The following CDH13 variants were observed in gnomAD, a reference collection of about 807,000 sequenced individuals.
CDH13 encodes the protein cadherin-13.
A neutral mutation model predicts 63.8 loss-of-function variants in CDH13; 24 were observed. The ratio of observed to expected loss-of-function variants is 0.38; its 90% confidence interval spans 0.27 to 0.53. The LOEUF is 0.53. Ranked by LOEUF, CDH13 falls within the 20% of genes least tolerant of loss-of-function variation. CDH13 has a pLI of 0.85. For missense variants in CDH13, 1,049 were observed against 903.1 expected (o/e 1.16, Z -2.07); for synonymous variants, 503 against 355.3 (o/e 1.42, Z -4.67).
At chr16:83,345,273 G>A (rs1210691283) in intron 6 of CDH13, among the ~76,000 whole-genome samples, 14 of 152,226 alleles carry the variant, frequency 9.2e-5, no homozygotes, top group Admixed American at 8.5e-4. Context: ...CATGGCCGAT[G>A]TTGGGCACCA....
intron 6 of CDH13, among the ~76,000 whole-genome samples, chr16:83,456,357 A>G (rs1208114463): frequency 6.6e-6 from 1 of 152,234 alleles, no homozygotes; most frequent in Non-Finnish European, 1.5e-5. Context: ...TCTTAGGTAA[A>G]GAGGATACAG....
intron 1 of CDH13, among the ~76,000 whole-genome samples, chr16:82,642,199 T>A (rs1055757162): frequency 6.6e-5 from 10 of 151,992 alleles, no homozygotes; most frequent in Non-Finnish European, 1.2e-4. Flanking sequence ...GCTGATTTAA[T>A]TTGTCTGGAA....
intron 2 of CDH13, among the ~76,000 whole-genome samples, chr16:82,898,070 G>C (rs2041329530): frequency 1.3e-5 from 2 of 152,140 alleles, no homozygotes; most frequent in Admixed American, 6.5e-5. Flanking sequence ...TTCTCAAAGA[G>C]TGAATAAAGA....
chr16:82,735,153 G>T (rs1349808231), intron 1 of CDH13, among the ~76,000 whole-genome samples: 3 of 152,182 alleles, frequency 2.0e-5, no homozygotes, highest in Admixed American at 2.0e-4. Flanking sequence ...AAGCCAAGGG[G>T]AAAGGCTTCA....
At chr16:82,769,575 C>A (rs186928433) in intron 1 of CDH13, among the ~76,000 whole-genome samples, 31 of 152,308 alleles carry the variant, frequency 2.0e-4, no homozygotes, top group African/African-American at 7.5e-4. Context: ...TTTATGTCTC[C>A]TGATGCCACC....
chr16:82,962,959 G>A (rs1486304862), intron 2 of CDH13, among the ~76,000 whole-genome samples: 1 of 152,156 alleles, frequency 6.6e-6, no homozygotes, highest in Non-Finnish European at 1.5e-5. Context: ...AGTAAAAGGT[G>A]TAATTATTTT....
At chr16:83,167,555 T>C (rs2151722564) in intron 4 of CDH13, among the ~76,000 whole-genome samples, 1 of 150,124 alleles carries the variant, frequency 6.7e-6, no homozygotes, top group South Asian at 2.1e-4. Flanking sequence ...GGCTCCCGTG[T>C]TGGCTTTATT....
intron 10 of CDH13, among the ~76,000 whole-genome samples, chr16:83,725,222 C>T (rs1598592613): frequency 1.3e-5 from 2 of 152,148 alleles, no homozygotes; most frequent in East Asian, 1.9e-4. Flanking sequence ...GATGTTCAGG[C>T]AGAGGAAATG....
At chr16:83,369,325 C>T (rs971589225) in intron 6 of CDH13, among the ~76,000 whole-genome samples, 4 of 151,864 alleles carry the variant, frequency 2.6e-5, no homozygotes, top group South Asian at 4.2e-4. Flanking sequence ...TTTTCCTGAA[C>T]ACACCATCTC....
intron 4 of CDH13, among the ~76,000 whole-genome samples, chr16:83,144,869 C>G (rs569511936): frequency 2.0e-5 from 3 of 152,334 alleles, no homozygotes; most frequent in African/African-American, 7.2e-5. Flanking sequence ...TCCTAACAGA[C>G]AGCAGCTACA....
chr16:83,672,425 T>TTTTTTTTG (rs1914587098), intron 9 of CDH13, among the ~76,000 whole-genome samples: 1 of 116,630 alleles, frequency 8.6e-6, no homozygotes, highest in African/African-American at 3.3e-5. Flanking sequence ...TTTTTTTTTT[T>TTTTTTTTG]TTTTTTTTTT....
intron 4 of CDH13, among the ~76,000 whole-genome samples, chr16:83,198,447 G>C (rs999302145): frequency 1.3e-5 from 2 of 152,146 alleles, no homozygotes; most frequent in African/African-American, 4.8e-5. Context: ...ACTTTTGTTA[G>C]TGGATGGACC....
intron 7 of CDH13, among the ~76,000 whole-genome samples, chr16:83,573,808 A>G (rs147858344): frequency 1.1e-3 from 165 of 152,300 alleles, no homozygotes; most frequent in Middle Eastern, 0.01. Flanking sequence ...TCAAATCACT[A>G]CACTCATTTA....
chr16:83,593,202 G>A (rs528857967), intron 7 of CDH13, among the ~76,000 whole-genome samples: 1 of 152,198 alleles, frequency 6.6e-6, no homozygotes, highest in Non-Finnish European at 1.5e-5. Flanking sequence ...TCGGGACAAA[G>A]CTAAAGAGGA....
At chr16:83,697,105 T>C (rs77177260) in intron 10 of CDH13, among the ~76,000 whole-genome samples, 22,356 of 152,178 alleles carry the variant, frequency 0.15, 1,973 homozygotes, top group Middle Eastern at 0.3. Context: ...ATTCACAAAT[T>C]CCATATTTGT....
chr16:82,982,407 T>A (rs77773079), intron 2 of CDH13, among the ~76,000 whole-genome samples: 2,923 of 152,324 alleles, frequency 0.019, 61 homozygotes, highest in Non-Finnish European at 0.024. Context: ...AAATTTATTA[T>A]CATACATTTC....
intron 5 of CDH13, among the ~76,000 whole-genome samples, chr16:83,336,250 A>C (rs2090593733): frequency 6.6e-6 from 1 of 150,892 alleles, no homozygotes; most frequent in Non-Finnish European, 1.5e-5. Flanking sequence ...GCAGTGAACC[A>C]AGATCACGCC....
chr16:82,809,842 A>G (rs2037352665), intron 1 of CDH13, among the ~76,000 whole-genome samples: 1 of 152,170 alleles, frequency 6.6e-6, no homozygotes. Flanking sequence ...TCTGGACAGC[A>G]GTAAAAGAAG....
intron 4 of CDH13, among the ~76,000 whole-genome samples, chr16:83,132,431 A>AC (rs1567861371): frequency 2.1e-5 from 1 of 46,626 alleles, no homozygotes. Flanking sequence ...TCTACCCCCC[A>AC]CCCACCCCCC....
Sources: allele counts gnomAD v4.1 joint callset (sites outside exome capture counted in the v4.1 genomes callset), GRCh38; gene constraint gnomAD v4.1.1; transcripts MANE v1.5; gene names NCBI Gene and HGNC (gene_info 2026-07-23, HGNC 2026-07-21).